SS18L1: variants seen among roughly 807,000 people sequenced by gnomAD.
SS18L1 encodes the protein calcium-responsive transactivator.
A neutral mutation model predicts 70.3 loss-of-function variants in SS18L1; 32 were observed. That is an observed-to-expected ratio of 0.46 (90% CI 0.34 to 0.61). The LOEUF (loss-of-function observed/expected upper bound fraction) is 0.61, where lower values mean the gene tolerates loss of function less well. Among genes scored for constraint, SS18L1 ranks in the 20% least tolerant of loss-of-function variants. The pLI is 0.01. For missense variants in SS18L1, 430 were observed against 542.1 expected (o/e 0.79, Z 2.05); for synonymous variants, 237 against 229.7 (o/e 1.03, Z -0.29).
chr20:62,178,080 C>G (rs1433650635), intron 10 of SS18L1, among the ~76,000 whole-genome samples: 1 of 142,304 alleles, frequency 7.0e-6, no homozygotes, highest in Non-Finnish European at 1.5e-5. Context: ...AGTGCATTGG[C>G]AGGAACATGG....
chr20:62,154,617 G>A (rs967090997), intron 1 of SS18L1, among the ~76,000 whole-genome samples: 2 of 152,158 alleles, frequency 1.3e-5, no homozygotes, highest in African/African-American at 4.8e-5. Flanking sequence ...TGCACCCTGC[G>A]GGCCCATGTA....
At position 62,165,528 on chromosome 20, in the gene SS18L1, CTG is replaced by C. The variant is rs60919036; in HGVS notation, c.916+15_916+16del. The C allele has an allele frequency of 0.11, 169,589 of 1,605,440 alleles. 10,527 individuals are homozygous for C. The highest frequency in any genetic ancestry group is 0.22 in the South Asian group (19,876 of 90,042). On this transcript the variant is annotated intron_variant, in intron 8 of 10. Coordinates refer to ENST00000331758, the MANE Select transcript of SS18L1 (RefSeq NM_198935.3). ...ACTATGAGGGGGGTAAGGAGCACGGCTGCGTGCTGGGCTCGAGCGTAAGCGCC... is the reference window on the plus strand; with the variant it reads ...ACTATGAGGGGGGTAAGGAGCACGGCCGTGCTGGGCTCGAGCGTAAGCGCC...
chr20:62,174,519 T>C lies in SS18L1; in HGVS notation c.1039T>C (p.Ser347Pro), dbSNP rs2145785089. Residue 347 changes from serine to proline, a missense_variant and splice_region_variant, in exon 10 of 11, where the codon TCT (serine) becomes CCT (proline). Physicochemically the swap from Ser to Pro is moderately conservative, Grantham distance 74 (BLOSUM62 -1). Transcript: ENST00000331758. The surrounding 1 kb of genome is among the most constrained non-coding windows in gnomAD (Gnocchi z 4.1). ...SYPGQQQGYG[S>P]AQGAPSQYPG... Reference sequence around the variant, plus strand: ...CACGGTTCCTGGTGTCTTCTCAGGGTCTGCCCAGGGAGCCCCGTCACAGTA... The same window carrying C: ...CACGGTTCCTGGTGTCTTCTCAGGGCCTGCCCAGGGAGCCCCGTCACAGTA... 6.2e-7 allele frequency: 1 copy of C among 1,613,760 alleles called. No homozygotes were observed. Among genetic ancestry groups the C allele is most frequent in the Non-Finnish European group, 8.5e-7 (1 of 1,179,874 alleles).
At chr20:62,155,621 G>T (rs1222640669) in intron 1 of SS18L1, among the ~76,000 whole-genome samples, 1 of 152,152 alleles carries the variant, frequency 6.6e-6, no homozygotes. Context: ...TTTCCCTTCA[G>T]TGCCCAAGCA....
chr20:62,162,240 CAAAAT>C (rs986396065), intron 4 of SS18L1, among the ~76,000 whole-genome samples: 2 of 152,130 alleles, frequency 1.3e-5, no homozygotes, highest in African/African-American at 4.8e-5. Flanking sequence ...AAAATAATAA[CAAAAT>C]AACAACAAAT....
In SS18L1 at chr20:62,161,061, C is replaced by T. The variant is rs1005206780; in HGVS notation, c.232-375C>T. Reference sequence around the variant, plus strand: ...GCCGAAGCTCTTGGCACGGAGGGGTCGTGGTTGGGGAGCACAGAGGCGCTG... The same window carrying T: ...GCCGAAGCTCTTGGCACGGAGGGGTTGTGGTTGGGGAGCACAGAGGCGCTG... On this transcript the variant is annotated intron_variant, in intron 3 of 10. Transcript: ENST00000331758. This position sits in a 1 kb window ranked among gnomAD's most constrained non-coding sequence, Gnocchi z 4.4. Among the ~76,000 whole-genome samples the T allele has an allele frequency of 4.0e-5, 6 of 151,490 alleles. No homozygotes were observed. Among genetic ancestry groups the T allele is most frequent in the African/African-American group, 1.2e-4 (5 of 41,212 alleles).
intron 6 of SS18L1, among the ~76,000 whole-genome samples, chr20:62,163,824 C>A (rs914422336): frequency 6.6e-6 from 1 of 151,878 alleles, no homozygotes; most frequent in East Asian, 1.9e-4. Flanking sequence ...GTCTGCTGTC[C>A]CCGAGGAGTC....
intron 8 of SS18L1, among the ~76,000 whole-genome samples, chr20:62,168,644 C>T (rs189824913): frequency 1.7e-5 from 2 of 118,122 alleles, no homozygotes; most frequent in Non-Finnish European, 3.6e-5. Context: ...CATAGTAAGA[C>T]CCCCTCTCTA....
intron 7 of SS18L1, 131 bp downstream of exon 7, chr20:62,164,377 C>G: frequency 1.0e-6 from 1 of 1,003,070 alleles, no homozygotes; most frequent in Non-Finnish European, 1.4e-6. Context: ...GCCTGGGCTA[C>G]AGGCAGAGTG....
chr20:62,151,275 C>T (rs2057124340), intron 1 of SS18L1, among the ~76,000 whole-genome samples: 1 of 152,232 alleles, frequency 6.6e-6, no homozygotes, highest in African/African-American at 2.4e-5. Flanking sequence ...GGGGCTTCAG[C>T]AGCCCCAGAC....
At position 62,158,784 on chromosome 20, in the gene SS18L1, T is replaced by C; in HGVS notation, c.146+36T>C. 6.2e-7 allele frequency: 1 copy of C among 1,612,788 alleles called. No homozygotes were observed. Among genetic ancestry groups the C allele is most frequent in the Non-Finnish European group, 8.5e-7 (1 of 1,179,940 alleles). Reference sequence around the variant, plus strand: ...GCCATACACCGGAACACTTGGAGGGTGTCATGCAGAGTCTAAGCACAGAGG... The same window carrying C: ...GCCATACACCGGAACACTTGGAGGGCGTCATGCAGAGTCTAAGCACAGAGG... On this transcript the variant is annotated intron_variant, in intron 2 of 10. Coordinates refer to ENST00000331758, the MANE Select transcript of SS18L1 (RefSeq NM_198935.3). The surrounding 1 kb of genome is among the most constrained non-coding windows in gnomAD (Gnocchi z 4.5).
At chr20:62,148,764 C>T (rs1426743734) in intron 1 of SS18L1, among the ~76,000 whole-genome samples, 2 of 152,282 alleles carry the variant, frequency 1.3e-5, no homozygotes, top group African/African-American at 4.8e-5. Flanking sequence ...CCTGTAAAGC[C>T]TGGCCATACA....
chr20:62,154,663 C>T (rs987517917), intron 1 of SS18L1, among the ~76,000 whole-genome samples: 1 of 152,222 alleles, frequency 6.6e-6, no homozygotes, highest in African/African-American at 2.4e-5. Context: ...CTGTCCTTCA[C>T]GTGGAACCTG....
In SS18L1 at chr20:62,178,042, CAG is replaced by C. The variant is rs368828915; in HGVS notation, c.1165-1139_1165-1138del. 2.9e-3 allele frequency among the ~76,000 whole-genome samples: 263 copies of C among 91,326 alleles called. 1 individual carries two copies. In the Middle Eastern group the frequency reaches 0.047, roughly 16 times the overall value. 59.9% of individuals were successfully genotyped at this position (91,326 alleles called of 152,430 possible). A position where few individuals can be genotyped will look rare whatever the true frequency, so the allele number is the denominator to read the frequency against. ...TTTTTTTTTTTTTTTTTTTTTAAGACAGGGTCTCACTCTGTCGCCCAGGCTGG... is the reference window on the plus strand; with the variant it reads ...TTTTTTTTTTTTTTTTTTTTTAAGACGGTCTCACTCTGTCGCCCAGGCTGG... On this transcript the variant is annotated intron_variant, in intron 10 of 10. Transcript: ENST00000331758.
chr20:62,174,468 A>C lies in SS18L1; in HGVS notation c.1037-49A>C, dbSNP rs772953176. ...AATTTTTAAGTTAAGAAAAAAAAAGAAAGAGGTGTCCGTTTTGGCCGGCCT... is the reference window on the plus strand; with the variant it reads ...AATTTTTAAGTTAAGAAAAAAAAAGCAAGAGGTGTCCGTTTTGGCCGGCCT... On this transcript the variant is annotated intron_variant, in intron 9 of 10. Transcript: ENST00000331758. This position sits in a 1 kb window ranked among gnomAD's most constrained non-coding sequence, Gnocchi z 4.1. The C allele has an allele frequency of 2.5e-5, 39 of 1,552,558 alleles. No homozygotes were observed. The highest frequency in any genetic ancestry group is 3.2e-5 in the Non-Finnish European group (37 of 1,151,908).
intron 8 of SS18L1, among the ~76,000 whole-genome samples, chr20:62,167,063 T>TTTTTTTTTTTTTTA: frequency 7.0e-6 from 1 of 141,884 alleles, no homozygotes; most frequent in Non-Finnish European, 1.5e-5. Context: ...TTTTTTTTTT[T>TTTTTTTTTTTTTTA]GAGACGGAGT....
In SS18L1 at chr20:62,179,357, G is replaced by GCGTCATACCCAGCA; in HGVS notation, c.*149_*150insCGTCATACCCAGCA. ...GTGAAGCGTGCTCATTTCATGCTGG[G>GCGTCATACCCAGCA]TATGACGCCGAGCGCACACCACTGG... On this transcript the variant is annotated 3_prime_UTR_variant, in exon 11 of 11. Coordinates refer to ENST00000331758, the MANE Select transcript of SS18L1 (RefSeq NM_198935.3). 1 of 832,852 alleles carries GCGTCATACCCAGCA rather than the reference G, an allele frequency of 1.2e-6. No homozygotes were observed. Among genetic ancestry groups the GCGTCATACCCAGCA allele is most frequent in the Non-Finnish European group, 2.0e-6 (1 of 504,704 alleles). The allele number at this position is 832,852 out of a possible 1,614,324, so 51.6% of individuals were successfully genotyped here. A position where few individuals can be genotyped will look rare whatever the true frequency, so the allele number is the denominator to read the frequency against.
rs1197741564 is a variant in SS18L1 at position 62,164,029 on chromosome 20, T to C, written c.722-116T>C. On this transcript the variant is annotated intron_variant, in intron 6 of 10. Transcript: ENST00000331758. Reference sequence around the variant, plus strand: ...TTGGATACGATGACAGCGTGGGGTGTTCTCCTCGGGTGGGTGAGGCCATTC... The same window carrying C: ...TTGGATACGATGACAGCGTGGGGTGCTCTCCTCGGGTGGGTGAGGCCATTC... The C allele has an allele frequency of 3.7e-6, 3 of 817,292 alleles. No individual in the cohort carries two copies. The African/African-American group carries it at 5.2e-5, about 14-fold the overall frequency. The allele number at this position is 817,292 out of a possible 1,614,324, so 50.6% of individuals were successfully genotyped here.
At position 62,147,831 on chromosome 20, in the gene SS18L1, C is replaced by T. The variant is rs1214314698; in HGVS notation, c.69+3942C>T. Among the ~76,000 whole-genome samples, 3 of 152,132 alleles carry T rather than the reference C, an allele frequency of 2.0e-5. No homozygotes were observed. The East Asian group carries it at 5.8e-4, about 30-fold the overall frequency. On this transcript the variant is annotated intron_variant, in intron 1 of 10. Coordinates refer to ENST00000331758, the MANE Select transcript of SS18L1 (RefSeq NM_198935.3). ...AAGCTGGACCAGCCCTACCCCATGT[C>T]CTTGGTACCCAGGTGCGGGGGTGGG...
Sources: allele counts gnomAD v4.1 joint callset (sites outside exome capture counted in the v4.1 genomes callset), GRCh38; gene constraint gnomAD v4.1.1; non-coding constraint Gnocchi (gnomAD v3.1); transcripts MANE v1.5; gene names NCBI Gene and HGNC (gene_info 2026-07-23, HGNC 2026-07-21).